PWWP2B: variants seen among roughly 807,000 people sequenced by gnomAD.
PWWP2B encodes PWWP domain containing 2B.
In PWWP2B, 9 loss-of-function variants were observed where a neutral mutation model predicts 15.5. The ratio of observed to expected loss-of-function variants is 0.58; its 90% CI spans 0.35 to 1.02. The LOEUF (loss-of-function observed/expected upper bound fraction) is 1.02, where lower values mean the gene tolerates loss of function less well. Ranked by LOEUF, PWWP2B falls within the 50% of genes least tolerant of loss-of-function variation. The pLI is 0.02. For synonymous variants in PWWP2B, 474 were observed against 403.6 expected, an observed-to-expected ratio of 1.17 and a Z score of -2.09; for missense variants, 864 against 865.3, an observed-to-expected ratio of 1.00 and a Z score of 0.02.
intron 2 of PWWP2B, among the ~76,000 whole-genome samples, chr10:132,411,587 T>C (rs2069781563): frequency 6.6e-6 from 1 of 152,244 alleles, no homozygotes; most frequent in Non-Finnish European, 1.5e-5. Flanking sequence ...AAAGGTCCGC[T>C]GTGCACAGGC....
intron 2 of PWWP2B, among the ~76,000 whole-genome samples, chr10:132,409,556 C>T (rs1191712553): frequency 1.3e-5 from 2 of 152,172 alleles, no homozygotes; most frequent in Non-Finnish European, 2.9e-5. Flanking sequence ...GGGTGAGCCC[C>T]AGGGCCTCGG....
At chr10:132,413,408 G>A (rs1590766096) in intron 2 of PWWP2B, among the ~76,000 whole-genome samples, 1 of 152,262 alleles carries the variant, frequency 6.6e-6, no homozygotes, top group Middle Eastern at 3.4e-3. Flanking sequence ...GGTGGGTGGT[G>A]GCAGTGAACG....
rs150518131 is a variant in PWWP2B, at chr10:132,405,277, G to T, written c.777G>T (p.Thr259=). ...RSPVIKISYS[T]PQGKGEVVKI... is the part of the protein sequence containing the mutation. ...CGGTCATCAAGATCTCCTACAGCACGCCCCAGGGCAAGGGAGAGGTGGTCA... is the reference window on the plus strand; with the variant it reads ...CGGTCATCAAGATCTCCTACAGCACTCCCCAGGGCAAGGGAGAGGTGGTCA... Residue 259 remains threonine, a synonymous_variant, in exon 2 of 3, where the codon ACG becomes ACT. Transcript: ENST00000305233. 6.2e-7 allele frequency: 1 copy of T among 1,611,778 alleles called. No individual in the cohort carries two copies. Among genetic ancestry groups the T allele is most frequent in the Admixed American group, 1.7e-5 (1 of 59,950 alleles).
intron 2 of PWWP2B, among the ~76,000 whole-genome samples, chr10:132,410,237 A>G (rs2069759542): frequency 6.6e-6 from 1 of 151,510 alleles, no homozygotes; most frequent in Non-Finnish European, 1.5e-5. Flanking sequence ...GGGTGGCTCC[A>G]GTTCTCGGGA....
In PWWP2B at chr10:132,417,142, C is replaced by A; in HGVS notation, c.*98C>A. ...ACCCTGTGAGCCTTCTGGCCGGCTG[C>A]GTGCAGAGCCCACTGGGCACGGTGG... On this transcript the variant is annotated 3_prime_UTR_variant, in exon 3 of 3. Coordinates refer to ENST00000305233, the MANE Select transcript of PWWP2B (RefSeq NM_138499.4). 1 of 1,587,232 alleles carries A rather than the reference C, an allele frequency of 6.3e-7. No individual in the cohort carries two copies. The highest frequency in any genetic ancestry group is 1.3e-5 in the African/African-American group (1 of 74,538).
At chr10:132,399,338 GC>G (rs1234322749) in intron 1 of PWWP2B, among the ~76,000 whole-genome samples, 1 of 152,254 alleles carries the variant, frequency 6.6e-6, no homozygotes, top group Non-Finnish European at 1.5e-5. Flanking sequence ...CACAACCGGC[GC>G]TGTTGAGCGC....
Position 132,405,731 on chromosome 10 carries a change from C to G in PWWP2B, c.1231C>G (p.Pro411Ala), listed in dbSNP as rs2069688327. ...GGGCTTGGCTTTTCTCGTCAGCTGC[C>G]CTGAGGGGAGAGCGGACTGTGCCAG... is the stretch of plus-strand genomic sequence containing the variant. ...REGLAFLVSC[P>A]EGRADCASES... The change falls in exon 2 of 3, where the codon CCT becomes GCT. Residue 411 changes from proline (P) to alanine (A), a missense_variant. Physicochemically the swap from Pro to Ala is conservative, Grantham distance 27. Transcript: ENST00000305233. 1 of 1,610,256 alleles carries G rather than the reference C, an allele frequency of 6.2e-7. No homozygotes were observed. Among genetic ancestry groups the G allele is most frequent in the African/African-American group, 1.3e-5 (1 of 75,060 alleles).
rs116669126 is a variant in PWWP2B at position 132,410,205 on chromosome 10, G to A, written c.*16+3916G>A. Among the ~76,000 whole-genome samples, 894 of 152,258 alleles carry A rather than the reference G, an allele frequency of 5.9e-3. 16 individuals are homozygous for A. Among genetic ancestry groups the A allele is most frequent in the African/African-American group, 0.021 (860 of 41,542 alleles). ...TCGCTCCTGGAACTAGGGGAGCCAC[G>A]GTCTGTGCCCCGCATCCTCAGGGGT... On this transcript the variant is annotated intron_variant, in intron 2 of 2. Transcript: ENST00000305233.
chr10:132,413,174 G>A (rs1039478650), intron 2 of PWWP2B, among the ~76,000 whole-genome samples: 16 of 152,154 alleles, frequency 1.1e-4, no homozygotes, highest in East Asian at 5.8e-4. Context: ...GTCTGATGCC[G>A]GAAATCTTGA....
At chr10:132,402,393 A>G (rs2069625871) in intron 1 of PWWP2B, among the ~76,000 whole-genome samples, 1 of 152,054 alleles carries the variant, frequency 6.6e-6, no homozygotes, top group South Asian at 2.1e-4. Context: ...ACATCCCCTC[A>G]TTTGCCCTCA....
At chr10:132,408,832 G>A (rs1415254889) in intron 2 of PWWP2B, among the ~76,000 whole-genome samples, 2 of 152,248 alleles carry the variant, frequency 1.3e-5, no homozygotes, top group African/African-American at 2.4e-5. Context: ...AGGGGTAGGC[G>A]GATGCCCCAC....
chr10:132,409,585 T>C (rs2069750273), intron 2 of PWWP2B, among the ~76,000 whole-genome samples: 1 of 152,100 alleles, frequency 6.6e-6, no homozygotes, highest in South Asian at 2.1e-4. Flanking sequence ...CCTGCCCCTG[T>C]CCAGGCTCAA....
chr10:132,403,654 C>T (rs370407667), intron 1 of PWWP2B, among the ~76,000 whole-genome samples: 3 of 152,366 alleles, frequency 2.0e-5, no homozygotes, highest in Admixed American at 6.5e-5. Flanking sequence ...CCCAAAGCCA[C>T]GCACAGTGCT....
chr10:132,409,130 A>G (rs1001553176), intron 2 of PWWP2B, among the ~76,000 whole-genome samples: 30 of 152,178 alleles, frequency 2.0e-4, no homozygotes, highest in African/African-American at 7.0e-4. Context: ...TCCCAGGGTA[A>G]CAACAGGTCC....
chr10:132,408,201 T>C (rs567763077), intron 2 of PWWP2B, among the ~76,000 whole-genome samples: 60 of 152,354 alleles, frequency 3.9e-4, no homozygotes, highest in African/African-American at 1.4e-3. Flanking sequence ...GAGTGGTGTG[T>C]GCCTGGTTGG....
chr10:132,403,475 T>G (rs759033991), intron 1 of PWWP2B, among the ~76,000 whole-genome samples: 2 of 152,210 alleles, frequency 1.3e-5, no homozygotes, highest in African/African-American at 2.4e-5. Flanking sequence ...TTCGCAGAAC[T>G]GTTTTCCTGA....
At chr10:132,408,871 T>G (rs560212186) in intron 2 of PWWP2B, among the ~76,000 whole-genome samples, 1 of 152,356 alleles carries the variant, frequency 6.6e-6, no homozygotes, top group South Asian at 2.1e-4. Flanking sequence ...GCATTGGGCC[T>G]GTGGCCGGCA....
rs72863870 is a variant in PWWP2B, at chr10:132,415,016, A to G, written c.*17-2045A>G. The stretch of plus-strand genomic sequence containing the variant: ...AATTTGTGTTTGTGTCAATCTTACT[A>G]TGTACAATTTTTACAAGTCCAGTGG... On this transcript the variant is annotated intron_variant, in intron 2 of 2. Coordinates refer to ENST00000305233, the MANE Select transcript of PWWP2B (RefSeq NM_138499.4). 3.5e-3 allele frequency among the ~76,000 whole-genome samples: 534 copies of G among 152,320 alleles called. 3 individuals are homozygous for G. Among genetic ancestry groups the G allele is most frequent in the Non-Finnish European group, 4.9e-3 (332 of 68,034 alleles).
rs1590769545 is a variant in PWWP2B, at chr10:132,417,140, T to C, written c.*96T>C. ...GGACCCTGTGAGCCTTCTGGCCGGC[T>C]GCGTGCAGAGCCCACTGGGCACGGT... On this transcript the variant is annotated 3_prime_UTR_variant, in exon 3 of 3. Transcript: ENST00000305233. 2 of 1,593,782 alleles carry C rather than the reference T, an allele frequency of 1.3e-6. No individual in the cohort carries two copies. The highest frequency in any genetic ancestry group is 1.7e-6 in the Non-Finnish European group (2 of 1,162,004).
Sources: gnomAD v4.1 joint callset for allele counts (sites outside exome capture counted in the v4.1 genomes callset) on GRCh38, gnomAD v4.1.1 for gene constraint, MANE v1.5 for transcripts, NCBI Gene and HGNC (gene_info 2026-07-23, HGNC 2026-07-21) for gene names.